Variants in KIAA0319 observed in about 807,000 individuals in gnomAD.
The protein encoded by KIAA0319 is KIAA0319.
In KIAA0319, 83 loss-of-function variants were observed where a neutral mutation model predicts 108.4. That is an observed-to-expected ratio of 0.77 (90% CI 0.64 to 0.92). KIAA0319 has a LOEUF of 0.92. Among genes scored for constraint, KIAA0319 ranks in the 40% least tolerant of loss-of-function variants. KIAA0319 has a pLI of 0.00. For synonymous variants in KIAA0319, 484 were observed against 510.4 expected, an observed-to-expected ratio of 0.95 and a Z score of 0.70; for missense variants, 1,195 against 1,322.4, an observed-to-expected ratio of 0.90 and a Z score of 1.49.
chr6:24,609,286 A>G (rs959279330), intron 1 of KIAA0319, among the ~76,000 whole-genome samples: 6 of 150,378 alleles, frequency 4.0e-5, no homozygotes, highest in African/African-American at 1.5e-4. Context: ...AAAAAAAAAA[A>G]AAAGAAAAAA....
chr6:24,575,107 C>T (rs943428371), intron 10 of KIAA0319, among the ~76,000 whole-genome samples: 5 of 152,194 alleles, frequency 3.3e-5, no homozygotes, highest in Non-Finnish European at 5.9e-5. Flanking sequence ...GGGTCTGATT[C>T]ACAGACCTCA....
intron 1 of KIAA0319, among the ~76,000 whole-genome samples, chr6:24,612,948 G>A (rs1171628246): frequency 1.3e-5 from 2 of 152,042 alleles, no homozygotes; most frequent in African/African-American, 2.4e-5. Flanking sequence ...ACAGGCGCCC[G>A]CCACCACGCC....
chr6:24,557,438 G>T (rs1762464483), intron 17 of KIAA0319, among the ~76,000 whole-genome samples: 5 of 152,076 alleles, frequency 3.3e-5, no homozygotes, highest in Admixed American at 3.3e-4. Context: ...AGGAGGCAGA[G>T]GTTGCAGTGA....
intron 1 of KIAA0319, among the ~76,000 whole-genome samples, chr6:24,633,613 T>G (rs929881239): frequency 6.6e-6 from 1 of 151,918 alleles, no homozygotes; most frequent in South Asian, 2.1e-4. Flanking sequence ...AAAAAAAAAT[T>G]AGAAGAATGA....
At chr6:24,610,107 A>C (rs1772073507) in intron 1 of KIAA0319, among the ~76,000 whole-genome samples, 1 of 152,182 alleles carries the variant, frequency 6.6e-6, no homozygotes, top group African/African-American at 2.4e-5. Flanking sequence ...AAAATGAAAA[A>C]CTTTTGTGCT....
intron 11 of KIAA0319, 97 bp downstream of exon 11, chr6:24,572,478 G>A: frequency 7.2e-7 from 1 of 1,397,168 alleles, no homozygotes; most frequent in Non-Finnish European, 9.7e-7. Flanking sequence ...GGCACCCACA[G>A]GCCGGTACCA....
At chr6:24,607,970 A>C (rs1269286749) in intron 1 of KIAA0319, among the ~76,000 whole-genome samples, 2 of 152,228 alleles carry the variant, frequency 1.3e-5, no homozygotes, top group Non-Finnish European at 2.9e-5. Flanking sequence ...TTAAGTCTCA[A>C]GGAGAAAACA....
chr6:24,582,662 A>AG (rs1452103434), intron 5 of KIAA0319, among the ~76,000 whole-genome samples: 1 of 151,122 alleles, frequency 6.6e-6, no homozygotes, highest in Non-Finnish European at 1.5e-5. Context: ...ATAAAGTTAA[A>AG]AAAAAAAAAA....
chr6:24,572,234 G>A (rs934782642), intron 11 of KIAA0319, among the ~76,000 whole-genome samples: 1 of 152,152 alleles, frequency 6.6e-6, no homozygotes, highest in Non-Finnish European at 1.5e-5. Flanking sequence ...GAACTGCAAC[G>A]TGTTCCCCAA....
chr6:24,547,307 A>G lies in KIAA0319; in HGVS notation c.3077T>C (p.Leu1026Pro), dbSNP rs755660458. Residue 1026 changes from leucine to proline, a missense_variant, in exon 21 of 21, where the codon CTG (leucine) becomes CCG (proline). Physicochemically the swap from Leu to Pro is moderately conservative, Grantham distance 98. Coordinates refer to ENST00000378214, the MANE Select transcript of KIAA0319 (RefSeq NM_014809.4). ...KHRSTEHNSSLMVSESEFDSD... is the reference protein window; with the variant it reads ...KHRSTEHNSSPMVSESEFDSD... ...GTCAAACTCAGACTCGGATACCATC[A>G]GGCTGGAGTTGTGCTCTGTGCTTCG... 1 of 1,614,048 alleles carries G rather than the reference A, an allele frequency of 6.2e-7. No homozygotes were observed. Among genetic ancestry groups the G allele is most frequent in the Non-Finnish European group, 8.5e-7 (1 of 1,179,998 alleles).
intron 14 of KIAA0319, 87 bp from the exon 15 acceptor site, chr6:24,564,427 A>G (rs1763608290): frequency 6.5e-7 from 1 of 1,547,830 alleles, no homozygotes; most frequent in East Asian, 2.3e-5. Context: ...TCAGTGTCCC[A>G]TCTTTTTAAC....
At chr6:24,619,069 G>C (rs1411912780) in intron 1 of KIAA0319, among the ~76,000 whole-genome samples, 11 of 152,190 alleles carry the variant, frequency 7.2e-5, no homozygotes. Flanking sequence ...ATGTGCCTGT[G>C]TATTGCAGGA....
At chr6:24,590,630 T>C (rs570872620) in intron 3 of KIAA0319, among the ~76,000 whole-genome samples, 128 of 152,274 alleles carry the variant, frequency 8.4e-4, no homozygotes, top group African/African-American at 3.0e-3. Flanking sequence ...TGAAAAATTA[T>C]TGCCAAGTTG....
At chr6:24,559,954 AAT>A (rs1305491369) in intron 16 of KIAA0319, among the ~76,000 whole-genome samples, 3 of 152,194 alleles carry the variant, frequency 2.0e-5, no homozygotes, top group African/African-American at 7.2e-5. Flanking sequence ...GGAATCATAC[AAT>A]ATGAGACCTT....
intron 1 of KIAA0319, among the ~76,000 whole-genome samples, chr6:24,643,622 G>T (rs938367135): frequency 2.6e-5 from 4 of 152,016 alleles, no homozygotes; most frequent in African/African-American, 9.7e-5. Context: ...ATGATGATTT[G>T]ATATCATAAA....
At chr6:24,569,662 C>T (rs574616136) in intron 12 of KIAA0319, among the ~76,000 whole-genome samples, 4 of 152,254 alleles carry the variant, frequency 2.6e-5, no homozygotes, top group South Asian at 4.1e-4. Context: ...GTCATGAGCT[C>T]GCCTCACACC....
chr6:24,566,658 G>A lies in KIAA0319; in HGVS notation c.2231C>T (p.Thr744Ile), dbSNP rs763470952. The change falls in exon 14 of 21, where the codon ACT becomes ATT. Residue 744 changes from threonine (T) to isoleucine (I), a missense_variant. Physicochemically the swap from Thr to Ile is moderately conservative, Grantham distance 89. Coordinates refer to ENST00000378214, the MANE Select transcript of KIAA0319 (RefSeq NM_014809.4). ...ATAGGACACAATTCTTTGGTCATCAGTAGACCTTGAACCATCCAAAGTAAT... is the reference window on the plus strand; with the variant it reads ...ATAGGACACAATTCTTTGGTCATCAATAGACCTTGAACCATCCAAAGTAAT... ...NSITLDGSRS[T>I]DDQRIVSYLW... The A allele has an allele frequency of 2.5e-6, 4 of 1,613,132 alleles. No individual in the cohort carries two copies. Among genetic ancestry groups the A allele is most frequent in the Non-Finnish European group, 3.4e-6 (4 of 1,179,614 alleles).
intron 1 of KIAA0319, among the ~76,000 whole-genome samples, chr6:24,616,554 A>G (rs1773184926): frequency 6.6e-6 from 1 of 152,130 alleles, no homozygotes; most frequent in African/African-American, 2.4e-5. Context: ...GGGTTTCACC[A>G]TGTTGGCCAG....
At chr6:24,637,633 G>A (rs1041057319) in intron 1 of KIAA0319, among the ~76,000 whole-genome samples, 4 of 152,102 alleles carry the variant, frequency 2.6e-5, no homozygotes, top group African/African-American at 7.2e-5. Context: ...GTTTATATTC[G>A]TAATGTTTTT....
Sources: gnomAD v4.1 joint callset for allele counts (sites outside exome capture counted in the v4.1 genomes callset) on GRCh38, gnomAD v4.1.1 for gene constraint, MANE v1.5 for transcripts, NCBI Gene and HGNC (gene_info 2026-07-23, HGNC 2026-07-21) for gene names.